The following IFNLR1 variants were observed in gnomAD, a reference collection of about 807,000 sequenced individuals.
The protein encoded by IFNLR1 is interferon lambda receptor 1.
IFNLR1 carries 28 observed loss-of-function variants against 52.5 expected under a neutral mutation model. That is an observed-to-expected ratio of 0.53 (90% CI 0.40 to 0.73). The LOEUF (loss-of-function observed/expected upper bound fraction) is 0.73. Among genes scored for constraint, IFNLR1 ranks in the 30% least tolerant of loss-of-function variants. IFNLR1 has a pLI of 0.00. For missense variants in IFNLR1, 623 were observed against 659.1 expected (o/e 0.95, Z 0.60); for synonymous variants, 276 against 274.9 (o/e 1.00, Z -0.04).
At chr1:24,172,454 G>A (rs908500799) in intron 2 of IFNLR1, among the ~76,000 whole-genome samples, 1 of 151,890 alleles carries the variant, frequency 6.6e-6, no homozygotes, top group African/African-American at 2.4e-5. Context: ...CTCAGACACA[G>A]AAAAGAATTA....
intron 4 of IFNLR1, 190 bp downstream of exon 4, chr1:24,161,352 G>C: frequency 3.1e-6 from 2 of 648,942 alleles, no homozygotes; most frequent in South Asian, 4.0e-5. Context: ...TGTTGACTTG[G>C]CAAGCAGGCC....
At chr1:24,181,015 A>G (rs2148603219) in intron 1 of IFNLR1, among the ~76,000 whole-genome samples, 161 bp from the exon 2 acceptor site, 1 of 152,204 alleles carries the variant, frequency 6.6e-6, no homozygotes, top group East Asian at 1.9e-4. Context: ...GCCATGAGAG[A>G]AGACCCTTTG....
chr1:24,169,433 C>T lies in IFNLR1; in HGVS notation c.351G>A (p.Leu117=), dbSNP rs1274038346. ...CAGACCTACCTTCAAAAAGGTAATC[C>T]AGGTATTCGGACTCCACCCAGGGGG... ...SKSPWVESEY[L]DYLFEVEPAP... Residue 117 remains leucine, a synonymous_variant, in exon 3 of 7, where the codon CTG becomes CTA. Transcript: ENST00000327535. The T allele has an allele frequency of 6.2e-7, 1 of 1,613,966 alleles. No individual in the cohort carries two copies. The highest frequency in any genetic ancestry group is 8.5e-7 in the Non-Finnish European group (1 of 1,179,896).
At chr1:24,186,957 A>G (rs1644745141) in intron 1 of IFNLR1, among the ~76,000 whole-genome samples, 1 of 152,262 alleles carries the variant, frequency 6.6e-6, no homozygotes, top group African/African-American at 2.4e-5. Context: ...GTTCTCCTGA[A>G]GCTGGAAGCA....
chr1:24,187,271 C>T lies in IFNLR1; in HGVS notation c.-23G>A, dbSNP rs1282295350. 1.1e-5 allele frequency: 14 copies of T among 1,262,818 alleles called. No homozygotes were observed. In the South Asian group the frequency reaches 3.0e-4, roughly 27 times the overall value. 78.2% of individuals were successfully genotyped at this position (1,262,818 alleles called of 1,614,324 possible). The stretch of plus-strand genomic sequence containing the variant: ...CATGGCCTTCCTGCCGCGGCGTCCC[C>T]GCCCGGGCCCAGGTCCCCGCCTCCC... On this transcript the variant is annotated 5_prime_UTR_variant, in exon 1 of 7. Coordinates refer to ENST00000327535, the MANE Select transcript of IFNLR1 (RefSeq NM_170743.4).
At position 24,187,252 on chromosome 1, in the gene IFNLR1, C is replaced by T; in HGVS notation, c.-4G>A. On this transcript the variant is annotated 5_prime_UTR_variant, in exon 1 of 7. Coordinates refer to ENST00000327535, the MANE Select transcript of IFNLR1 (RefSeq NM_170743.4). ...CCCAGCGCTCGGGCCCCGCCATGGC[C>T]TTCCTGCCGCGGCGTCCCCGCCCGG... The T allele has an allele frequency of 7.9e-7, 1 of 1,270,104 alleles. No homozygotes were observed. The highest frequency in any genetic ancestry group is 4.2e-5 in the Admixed American group (1 of 23,758). The allele number at this position is 1,270,104 out of a possible 1,614,324, so 78.7% of individuals were successfully genotyped here.
intron 3 of IFNLR1, among the ~76,000 whole-genome samples, chr1:24,166,198 CA>C (rs1160734266): frequency 5.3e-5 from 8 of 151,364 alleles, no homozygotes; most frequent in African/African-American, 1.9e-4. Context: ...TCCATCCATC[CA>C]TCCATCCTTC....
intron 3 of IFNLR1, among the ~76,000 whole-genome samples, chr1:24,166,527 C>T (rs147008201): frequency 6.6e-6 from 1 of 152,152 alleles, no homozygotes; most frequent in Non-Finnish European, 1.5e-5. Context: ...TCTGCCTTTT[C>T]TTCTGCCTTC....
rs1399296706 is a variant in IFNLR1 at position 24,155,377 on chromosome 1, C to G, written c.*1753G>C. The G allele has an allele frequency of 6.6e-6, 1 of 152,240 alleles. No individual in the cohort carries two copies. The highest frequency in any genetic ancestry group is 1.9e-4 in the East Asian group (1 of 5,198). The allele number at this position is 152,240 out of a possible 1,614,324, so 9.4% of individuals were successfully genotyped here. A position where few individuals can be genotyped will look rare whatever the true frequency, so the allele number is the denominator to read the frequency against. The stretch of plus-strand genomic sequence containing the variant: ...TGGGGATGTGCACAAGTCATCAGAG[C>G]AGCACTGCTGGGCGACCTTGGACAA... On this transcript the variant is annotated 3_prime_UTR_variant, in exon 7 of 7. Coordinates refer to ENST00000327535, the MANE Select transcript of IFNLR1 (RefSeq NM_170743.4).
intron 1 of IFNLR1, 73 bp downstream of exon 1, chr1:24,187,118 C>T (rs12094257): frequency 0.41 from 417,007 of 1,028,952 alleles, 90,442 homozygotes; most frequent in Non-Finnish European, 0.44. Context: ...CCAGGAGCTC[C>T]GGGTCCGAGG....
intron 3 of IFNLR1, among the ~76,000 whole-genome samples, chr1:24,162,819 CTTCTTTCTTTCT>C (rs201734960): frequency 6.8e-5 from 3 of 43,944 alleles, no homozygotes; most frequent in African/African-American, 2.5e-4. Context: ...TTCTTTTTTT[CTTCTTTCTTTCT>C]TTTCTTTCTT....
intron 3 of IFNLR1, among the ~76,000 whole-genome samples, chr1:24,162,159 A>T (rs1430994013): frequency 4.6e-5 from 7 of 152,228 alleles, no homozygotes; most frequent in African/African-American, 1.7e-4. Flanking sequence ...TCTGGAACCG[A>T]TGGGGGAGAA....
At chr1:24,167,551 A>G (rs1225621132) in intron 3 of IFNLR1, among the ~76,000 whole-genome samples, 2 of 151,928 alleles carry the variant, frequency 1.3e-5, no homozygotes, top group African/African-American at 4.8e-5. Context: ...CACACGGGTA[A>G]CTTTTGTATT....
chr1:24,175,223 ACTGTCCC>A (rs989383723), intron 2 of IFNLR1, among the ~76,000 whole-genome samples: 1 of 152,238 alleles, frequency 6.6e-6, no homozygotes, highest in African/African-American at 2.4e-5. Context: ...TGGAGGCAAC[ACTGTCCC>A]CTCCTTAGTT....
chr1:24,180,798 C>T lies in IFNLR1; in HGVS notation c.115G>A (p.Val39Met), dbSNP rs768810847. Residue 39 changes from valine (V) to methionine (M), a missense_variant, in exon 2 of 7, where the codon GTG (valine) becomes ATG (methionine). By Grantham distance (21) the Val-to-Met change is conservative (BLOSUM62 1). Coordinates refer to ENST00000327535, the MANE Select transcript of IFNLR1 (RefSeq NM_170743.4). ...NVTLLSQNFS[V>M]YLTWLPGLGN... ...AGCCCTGGGAGCCATGTCAGGTACA[C>T]GCTGAAGTTCTGGGAGAGCAGCGTC... is the stretch of plus-strand genomic sequence containing the variant. 43 of 1,613,428 alleles carry T rather than the reference C, an allele frequency of 2.7e-5. No homozygotes were observed. The highest frequency in any genetic ancestry group is 1.7e-4 in the Admixed American group (10 of 59,948).
intron 2 of IFNLR1, among the ~76,000 whole-genome samples, chr1:24,178,323 T>C (rs191236452): frequency 2.8e-4 from 43 of 152,140 alleles, no homozygotes; most frequent in Admixed American, 1.5e-3. Flanking sequence ...CTATGTGGTA[T>C]ACACACATCA....
rs143399355 is a variant in IFNLR1, at chr1:24,166,176, C to CCCATCCATCCAT, written c.367+3229_367+3240dup. ...CTGCCTTCTTATCCTTCCTTTCCTT[C>CCCATCCATCCAT]CCATCCATCCATCCATCCATCCATC... is the stretch of plus-strand genomic sequence containing the variant. On this transcript the variant is annotated intron_variant, in intron 3 of 6. Transcript: ENST00000327535. Among the ~76,000 whole-genome samples the CCCATCCATCCAT allele has an allele frequency of 5.7e-3, 853 of 149,456 alleles. 11 individuals are homozygous for CCCATCCATCCAT. The highest frequency in any genetic ancestry group is 0.02 in the African/African-American group (807 of 40,556).
At chr1:24,173,260 A>G (rs188923197) in intron 2 of IFNLR1, among the ~76,000 whole-genome samples, 82 of 152,212 alleles carry the variant, frequency 5.4e-4, no homozygotes, top group African/African-American at 1.8e-3. Context: ...AAAATAAATG[A>G]CCTAATAAAA....
intron 3 of IFNLR1, among the ~76,000 whole-genome samples, chr1:24,165,569 C>T (rs1047021403): frequency 6.6e-6 from 1 of 152,152 alleles, no homozygotes; most frequent in Non-Finnish European, 1.5e-5. Flanking sequence ...ATGGAGAGGG[C>T]AATGTGACAA....
Sources: gnomAD v4.1 joint callset for allele counts (sites outside exome capture counted in the v4.1 genomes callset) on GRCh38, gnomAD v4.1.1 for gene constraint, MANE v1.5 for transcripts, NCBI Gene and HGNC (gene_info 2026-07-23, HGNC 2026-07-21) for gene names.